The following LATS1 variants were observed in gnomAD, a reference collection of about 807,000 sequenced individuals.
LATS1 encodes the protein serine/threonine-protein kinase LATS1.
LATS1 carries 25 observed loss-of-function variants against 106.6 expected under a neutral mutation model. The ratio of observed to expected loss-of-function variants is 0.23; its 90% confidence interval spans 0.17 to 0.33. The LOEUF is 0.33. Among genes scored for constraint, LATS1 ranks in the 10% least tolerant of loss-of-function variants. The probability of loss-of-function intolerance (pLI) is 1.00; values close to 1 mark genes in which losing one functional copy is unlikely to be tolerated. For synonymous variants in LATS1, 465 were observed against 455.6 expected, an observed-to-expected ratio of 1.02 and a Z score of -0.26; for missense variants, 1,040 against 1,382.6, an observed-to-expected ratio of 0.75 and a Z score of 3.93.
At chr6:149,697,256 C>CCTAA in intron 2 of LATS1, 1 of 651,122 alleles carries the variant, frequency 1.5e-6, no homozygotes, top group African/African-American at 1.9e-5. Context: ...TTATTGCCTA[C>CCTAA]CTAAGGTCAT....
At chr6:149,687,193 C>T (rs552521518) in intron 3 of LATS1, among the ~76,000 whole-genome samples, 2 of 151,504 alleles carry the variant, frequency 1.3e-5, no homozygotes, top group East Asian at 3.9e-4. Context: ...TGGGTTTAGG[C>T]GATTCTCCTG....
At position 149,718,040 on chromosome 6, in the gene LATS1, G is replaced by GCCA. The variant is rs745788906; in HGVS notation, c.-335_-333dup. The GCCA allele has an allele frequency of 4.8e-5, 16 of 333,782 alleles. No individual in the cohort carries two copies. The highest frequency in any genetic ancestry group is 6.1e-5 in the South Asian group (3 of 48,942). The allele number at this position is 333,782 out of a possible 1,614,324, so 20.7% of individuals were successfully genotyped here. ...GACCTGGCTCTCCCCTTAACACCAG[G>GCCA]CCACCGCCGCCGCCGCCGCCATTTT... On this transcript the variant is annotated 5_prime_UTR_variant, in exon 1 of 8. Transcript: ENST00000543571.
chr6:149,710,181 T>A (rs933220863), intron 1 of LATS1, among the ~76,000 whole-genome samples: 9 of 152,174 alleles, frequency 5.9e-5, no homozygotes, highest in Non-Finnish European at 1.3e-4. Context: ...CTAAAATGTA[T>A]AAAACCAAGC....
At chr6:149,670,182 AAAAAAAAAAAAG>A (rs900650516) in intron 7 of LATS1, among the ~76,000 whole-genome samples, 8 of 144,932 alleles carry the variant, frequency 5.5e-5, no homozygotes, top group East Asian at 2.0e-4. Context: ...AAAAAAAAAA[AAAAAAAAAAAAG>A]AAAAGAAAAG....
intron 3 of LATS1, among the ~76,000 whole-genome samples, chr6:149,691,657 T>C (rs757570208): frequency 1.3e-5 from 2 of 152,188 alleles, no homozygotes; most frequent in Admixed American, 6.6e-5. Context: ...TACCCCTTCC[T>C]ACTAGCTATT....
At position 149,695,150 on chromosome 6, in the gene LATS1, T is replaced by C; in HGVS notation, c.420A>G (p.Lys140=). Residue 140 remains lysine (K), a synonymous_variant, in exon 3 of 8, where the codon AAA becomes AAG. Transcript: ENST00000543571. ...CTCGTCGAGGATCTTGGTAACTCAT[T>C]TTACTAATGAATTCAATTGCTGCTT... is the stretch of plus-strand genomic sequence containing the variant. ...SIEAAIEFIS[K]MSYQDPRREQ... 1 of 1,613,272 alleles carries C rather than the reference T, an allele frequency of 6.2e-7. No individual in the cohort carries two copies. Among genetic ancestry groups the C allele is most frequent in the Middle Eastern group, 1.7e-4 (1 of 6,060 alleles).
intron 3 of LATS1, among the ~76,000 whole-genome samples, chr6:149,684,855 T>C (rs997635401): frequency 1.3e-5 from 2 of 152,120 alleles, no homozygotes; most frequent in Admixed American, 1.3e-4. Context: ...ATAATACATG[T>C]TATTTGGCTC....
In LATS1 at chr6:149,685,192, C is replaced by T. The variant is rs181456191; in HGVS notation, c.497-600G>A. On this transcript the variant is annotated intron_variant, in intron 3 of 7. Transcript: ENST00000543571. ...GGCCAACGCTGCAGTGAACTGAGATCGTGCCACTGCACTCCAGCCTGGGTG... is the reference window on the plus strand; with the variant it reads ...GGCCAACGCTGCAGTGAACTGAGATTGTGCCACTGCACTCCAGCCTGGGTG... Among the ~76,000 whole-genome samples the T allele has an allele frequency of 4.3e-3, 660 of 151,970 alleles. 3 individuals carry two copies. The highest frequency in any genetic ancestry group is 0.015 in the African/African-American group (624 of 41,506).
At chr6:149,677,841 G>A (rs1477376384) in intron 5 of LATS1, among the ~76,000 whole-genome samples, 5 of 152,064 alleles carry the variant, frequency 3.3e-5, no homozygotes, top group African/African-American at 1.2e-4. Flanking sequence ...CCAACATGGT[G>A]AAACCCCATC....
chr6:149,682,826 G>A (rs2114811448), intron 4 of LATS1: 1 of 496,766 alleles, frequency 2.0e-6, no homozygotes, highest in East Asian at 3.4e-5. Context: ...CACCTAAACT[G>A]TATACCGCAA....
In LATS1 at chr6:149,661,245, T is replaced by C. The variant is rs899713210; in HGVS notation, c.*484A>G. ...AGCCTAGGAACACTCACCAACACGA[T>C]GGCTTAATTTCTCTAGCTTATTTTC... On this transcript the variant is annotated 3_prime_UTR_variant, in exon 8 of 8. Transcript: ENST00000543571. 4.3e-6 allele frequency: 1 copy of C among 231,604 alleles called. No homozygotes were observed. The highest frequency in any genetic ancestry group is 2.2e-5 in the African/African-American group (1 of 45,236). The allele number at this position is 231,604 out of a possible 1,614,324, so 14.3% of individuals were successfully genotyped here. A position where few individuals can be genotyped will look rare whatever the true frequency, so the allele number is the denominator to read the frequency against.
intron 1 of LATS1, among the ~76,000 whole-genome samples, chr6:149,712,066 A>T (rs1294195861): frequency 3.9e-5 from 6 of 152,262 alleles, no homozygotes. Context: ...CCTGATTAAG[A>T]GATTATTGGG....
chr6:149,671,323 G>C (rs1362752791), intron 7 of LATS1, among the ~76,000 whole-genome samples: 4 of 151,818 alleles, frequency 2.6e-5, no homozygotes, highest in Non-Finnish European at 4.4e-5. Flanking sequence ...TAGCAGAGAC[G>C]GGGTTTCGCC....
chr6:149,659,754 T>C lies in LATS1; in HGVS notation c.*1975A>G. ...CTACTTTGTTTTGCATAGGATTTTA[T>C]GGGACTAACCAAATGTTCCATGAAC... is the stretch of plus-strand genomic sequence containing the variant. On this transcript the variant is annotated 3_prime_UTR_variant, in exon 8 of 8. Transcript: ENST00000543571. 4.4e-6 allele frequency: 1 copy of C among 226,824 alleles called. No homozygotes were observed. The highest frequency in any genetic ancestry group is 6.4e-5 in the East Asian group (1 of 15,604). 14.1% of individuals were successfully genotyped at this position (226,824 alleles called of 1,614,324 possible).
At chr6:149,708,876 GAAAC>G (rs749229870) in intron 1 of LATS1, among the ~76,000 whole-genome samples, 1 of 152,164 alleles carries the variant, frequency 6.6e-6, no homozygotes, top group Non-Finnish European at 1.5e-5. Flanking sequence ...TGCCCAAATG[GAAAC>G]AAACAAAGGC....
rs139782155 is a variant in LATS1, at chr6:149,713,306, T to G, written c.-141+4543A>C. On this transcript the variant is annotated intron_variant, in intron 1 of 7. Transcript: ENST00000543571. ...CCTCAATTGTATTATTTTCTTTTTT[T>G]TTTTTTGAGACAGAGTCTCCCTCTG... Among the ~76,000 whole-genome samples, 32 of 152,240 alleles carry G rather than the reference T, an allele frequency of 2.1e-4. No individual in the cohort carries two copies. In the East Asian group the frequency reaches 5.8e-3, roughly 28 times the overall value.
chr6:149,679,859 T>C lies in LATS1; in HGVS notation c.2593+16A>G, dbSNP rs1781941640. On this transcript the variant is annotated intron_variant, in intron 5 of 7. Transcript: ENST00000543571. Reference sequence around the variant, plus strand: ...TATTATGAACAAACTAAAATAAATTTTATGAGTTTACTTACCACTCTGATA... The same window carrying C: ...TATTATGAACAAACTAAAATAAATTCTATGAGTTTACTTACCACTCTGATA... 1 of 1,500,330 alleles carries C rather than the reference T, an allele frequency of 6.7e-7. No homozygotes were observed. Among genetic ancestry groups the C allele is most frequent in the African/African-American group, 1.4e-5 (1 of 71,378 alleles). The allele number at this position is 1,500,330 out of a possible 1,614,324, so 92.9% of individuals were successfully genotyped here.
chr6:149,689,662 C>A (rs1465795575), intron 3 of LATS1, among the ~76,000 whole-genome samples: 2 of 152,128 alleles, frequency 1.3e-5, no homozygotes, highest in Non-Finnish European at 2.9e-5. Flanking sequence ...TCAGTCTCCT[C>A]AAACTGCCTG....
chr6:149,693,334 A>G (rs12195866), intron 3 of LATS1, among the ~76,000 whole-genome samples: 80,813 of 151,430 alleles, frequency 0.53, 24,711 homozygotes, highest in East Asian at 0.83. Flanking sequence ...CCAATAGGCC[A>G]GGCGCGGTGG....
Sources: gnomAD v4.1 joint callset for allele counts (sites outside exome capture counted in the v4.1 genomes callset) on GRCh38, gnomAD v4.1.1 for gene constraint, MANE v1.5 for transcripts, NCBI Gene and HGNC (gene_info 2026-07-23, HGNC 2026-07-21) for gene names.